Variants in OSBPL10 observed in about 807,000 individuals in gnomAD.
OSBPL10 encodes the protein oxysterol binding protein like 10, also known as oxysterol-binding protein-related protein 10.
Under a neutral mutation model 81.7 loss-of-function variants are expected in OSBPL10, and 49 were observed. The ratio of observed to expected loss-of-function variants is 0.60; its 90% CI spans 0.48 to 0.76. The LOEUF (loss-of-function observed/expected upper bound fraction) is 0.76. OSBPL10 is among the 30% of genes least tolerant of loss of function. The pLI is 0.00. For missense variants in OSBPL10, 923 were observed against 987.8 expected (o/e 0.93, Z 0.88); for synonymous variants, 419 against 383.6 (o/e 1.09, Z -1.08).
chr3:31,852,312 G>C (rs767724948), intron 3 of OSBPL10, among the ~76,000 whole-genome samples: 12 of 152,162 alleles, frequency 7.9e-5, no homozygotes, highest in Admixed American at 5.9e-4. Context: ...GGGGGTCGGG[G>C]GGAAGGAGGT....
intron 3 of OSBPL10, among the ~76,000 whole-genome samples, chr3:31,861,684 G>T (rs1701059472): frequency 6.6e-6 from 1 of 152,020 alleles, no homozygotes; most frequent in African/African-American, 2.4e-5. Flanking sequence ...ATCTATTACT[G>T]CCTAACTACC....
chr3:32,008,760 GAAAAAAAA>G lies in OSBPL10; in HGVS notation n.298+37723_298+37730del, dbSNP rs11328847. On this transcript the variant is annotated intron_variant and non_coding_transcript_variant, in intron 2 of 3. Transcript: ENST00000479173. ...GGGAGACAGAGTGAGATCCTGACTG[GAAAAAAAA>G]AAAAAAAAAGAAGAACAAAAAAAGA... Among the ~76,000 whole-genome samples, 3 of 114,504 alleles carry G rather than the reference GAAAAAAAA, an allele frequency of 2.6e-5. No homozygotes were observed. The South Asian group carries it at 8.4e-4, about 32-fold the overall frequency. The allele number at this position is 114,504 out of a possible 152,430, so 75.1% of individuals were successfully genotyped here.
At chr3:32,060,518 C>T (rs1385196636) in intron 1 of OSBPL10, among the ~76,000 whole-genome samples, 2 of 152,190 alleles carry the variant, frequency 1.3e-5, no homozygotes, top group African/African-American at 4.8e-5. Flanking sequence ...CACTTCTAAC[C>T]TAGCCACAGG....
chr3:31,785,937 T>C (rs1698850305), intron 4 of OSBPL10, among the ~76,000 whole-genome samples: 1 of 152,132 alleles, frequency 6.6e-6, no homozygotes, highest in Non-Finnish European at 1.5e-5. Context: ...CCAGAAAGAC[T>C]CCACCTCAAT....
chr3:32,013,919 C>G (rs1233154006), intron 2 of OSBPL10, among the ~76,000 whole-genome samples: 1 of 152,154 alleles, frequency 6.6e-6, no homozygotes, highest in Non-Finnish European at 1.5e-5. Flanking sequence ...TCTGAATAGA[C>G]CAATAACAGG....
chr3:31,815,352 T>C (rs1281589659), intron 4 of OSBPL10, among the ~76,000 whole-genome samples: 3 of 152,226 alleles, frequency 2.0e-5, no homozygotes, highest in Admixed American at 6.5e-5. Flanking sequence ...AGTTTTCAGC[T>C]GTTGAGTTTG....
At chr3:31,789,573 C>T (rs1443310666) in intron 4 of OSBPL10, among the ~76,000 whole-genome samples, 1 of 152,162 alleles carries the variant, frequency 6.6e-6, no homozygotes, top group Non-Finnish European at 1.5e-5. Flanking sequence ...TGGTGGGGGA[C>T]CAAGTGCAGA....
At chr3:31,810,102 C>G (rs1457699868) in intron 4 of OSBPL10, among the ~76,000 whole-genome samples, 2 of 151,932 alleles carry the variant, frequency 1.3e-5, no homozygotes, top group Non-Finnish European at 2.9e-5. Context: ...AACTCCTGAC[C>G]TTAGGTGATC....
intron 1 of OSBPL10, among the ~76,000 whole-genome samples, chr3:32,049,501 CT>C (rs913810228): frequency 1.3e-5 from 2 of 152,114 alleles, no homozygotes; most frequent in Admixed American, 6.5e-5. Flanking sequence ...AAAGGCTCCT[CT>C]TAATAAAAGG....
At chr3:31,886,738 G>A (rs1177437353) in intron 1 of OSBPL10, among the ~76,000 whole-genome samples, 1 of 152,052 alleles carries the variant, frequency 6.6e-6, no homozygotes, top group Non-Finnish European at 1.5e-5. Context: ...TCAGGAGTTC[G>A]AGACCAGCCT....
chr3:32,035,562 CAAA>C (rs35533294), intron 2 of OSBPL10, among the ~76,000 whole-genome samples: 1 of 91,060 alleles, frequency 1.1e-5, no homozygotes, highest in African/African-American at 4.8e-5. Flanking sequence ...AACTCTGTCT[CAAA>C]AAAAAAAAAA....
intron 4 of OSBPL10, among the ~76,000 whole-genome samples, chr3:31,809,375 T>C (rs1287765676): frequency 6.6e-6 from 1 of 152,146 alleles, no homozygotes; most frequent in Non-Finnish European, 1.5e-5. Flanking sequence ...TACTTGGCAA[T>C]TAAAAGGAAC....
chr3:31,701,261 C>A (rs578192333), intron 7 of OSBPL10, among the ~76,000 whole-genome samples: 5 of 152,286 alleles, frequency 3.3e-5, no homozygotes, highest in African/African-American at 1.2e-4. Flanking sequence ...TGTGGCCAAC[C>A]AAGCCAACTG....
chr3:31,827,635 C>CA (rs34122216), intron 4 of OSBPL10, among the ~76,000 whole-genome samples: 4,527 of 131,926 alleles, frequency 0.034, 87 homozygotes, highest in Middle Eastern at 0.07. Context: ...GACTCTGTCT[C>CA]AAAAAAAAAA....
intron 1 of OSBPL10, among the ~76,000 whole-genome samples, chr3:31,970,376 T>G (rs1332193720): frequency 6.6e-6 from 1 of 152,166 alleles, no homozygotes; most frequent in Non-Finnish European, 1.5e-5. Flanking sequence ...CTGCTGAAAT[T>G]CCAGCCATCA....
At chr3:32,053,095 T>A (rs987086314) in intron 1 of OSBPL10, among the ~76,000 whole-genome samples, 1 of 152,182 alleles carries the variant, frequency 6.6e-6, no homozygotes, top group African/African-American at 2.4e-5. Flanking sequence ...TGCACTTCTG[T>A]CTGGTGTCCT....
At chr3:31,992,646 C>T (rs1699046684) in intron 2 of OSBPL10, among the ~76,000 whole-genome samples, 1 of 152,148 alleles carries the variant, frequency 6.6e-6, no homozygotes, top group African/African-American at 2.4e-5. Context: ...ACATTGAGCA[C>T]ACCTGGATGA....
intron 8 of OSBPL10, among the ~76,000 whole-genome samples, chr3:31,680,326 C>G (rs1042126130): frequency 1.3e-5 from 2 of 152,198 alleles, no homozygotes; most frequent in African/African-American, 4.8e-5. Context: ...CCCTGCTCCT[C>G]TGCTCTTCCT....
At chr3:31,716,477 G>T (rs764266772) in intron 6 of OSBPL10, among the ~76,000 whole-genome samples, 1 of 152,106 alleles carries the variant, frequency 6.6e-6, no homozygotes, top group African/African-American at 2.4e-5. Flanking sequence ...AGATTTGGGC[G>T]CACTCTAACA....
Sources: gnomAD v4.1 joint callset for allele counts (sites outside exome capture counted in the v4.1 genomes callset) on GRCh38, gnomAD v4.1.1 for gene constraint, MANE v1.5 for transcripts, NCBI Gene and HGNC (gene_info 2026-07-23, HGNC 2026-07-21) for gene names.